The following CERS6 variants were observed in gnomAD, a reference collection of about 807,000 sequenced individuals.
CERS6 encodes LAG1 homolog, ceramide synthase 6.
A neutral mutation model predicts 56.8 loss-of-function variants in CERS6; 26 were observed. The ratio of observed to expected loss-of-function variants is 0.46; its 90% CI spans 0.34 to 0.63. CERS6 has a LOEUF of 0.63. CERS6 is among the 30% of genes least tolerant of loss of function. CERS6 has a pLI of 0.01. For synonymous variants in CERS6, 164 were observed against 173.3 expected, an observed-to-expected ratio of 0.95 and a Z score of 0.42; for missense variants, 415 against 467.5, an observed-to-expected ratio of 0.89 and a Z score of 1.04.
At chr2:168,463,131 G>A (rs1203899409) in intron 1 of CERS6, among the ~76,000 whole-genome samples, 1 of 152,170 alleles carries the variant, frequency 6.6e-6, no homozygotes, top group Non-Finnish European at 1.5e-5. Context: ...TTAGGATTGA[G>A]AATTTAGGAA....
chr2:168,557,094 G>A (rs1695695697), intron 2 of CERS6, among the ~76,000 whole-genome samples: 1 of 151,486 alleles, frequency 6.6e-6, no homozygotes, highest in African/African-American at 2.4e-5. Context: ...AGCATGGAGA[G>A]ATCCTGGCTG....
chr2:168,626,647 G>A (rs1684597633), intron 3 of CERS6, among the ~76,000 whole-genome samples: 1 of 152,174 alleles, frequency 6.6e-6, no homozygotes, highest in Non-Finnish European at 1.5e-5. Context: ...GCAAAGCAGG[G>A]TGCTCTAATT....
intron 3 of CERS6, among the ~76,000 whole-genome samples, chr2:168,562,228 T>C (rs2105382519): frequency 6.6e-6 from 1 of 152,298 alleles, no homozygotes; most frequent in Admixed American, 6.5e-5. Flanking sequence ...GGCTTTCAAT[T>C]ATGTGAAAAA....
chr2:168,459,913 C>A (rs1693748058), intron 1 of CERS6, among the ~76,000 whole-genome samples: 1 of 152,018 alleles, frequency 6.6e-6, no homozygotes, highest in Non-Finnish European at 1.5e-5. Flanking sequence ...AATAAAAATT[C>A]TTTGAGTTAT....
intron 1 of CERS6, among the ~76,000 whole-genome samples, chr2:168,493,116 A>T (rs1694403092): frequency 1.3e-5 from 2 of 152,182 alleles, no homozygotes; most frequent in African/African-American, 4.8e-5. Flanking sequence ...CCTTGCAAAC[A>T]TAATTTTTTA....
At chr2:168,644,243 C>T in intron 4 of CERS6, 1 of 954,540 alleles carries the variant, frequency 1.0e-6, no homozygotes, top group Non-Finnish European at 1.2e-6. Context: ...GAAGTCTGAA[C>T]TGAGCATGTG....
chr2:168,486,975 G>A (rs1202214666), intron 1 of CERS6, among the ~76,000 whole-genome samples: 2 of 151,674 alleles, frequency 1.3e-5, no homozygotes, highest in East Asian at 3.9e-4. Context: ...TTTTTTCAGT[G>A]TGACTTCCAG....
intron 1 of CERS6, among the ~76,000 whole-genome samples, chr2:168,545,577 C>T (rs1226115686): frequency 6.6e-6 from 1 of 151,468 alleles, no homozygotes; most frequent in East Asian, 1.9e-4. Context: ...AATTTCTTGA[C>T]TCCCCTACTG....
At chr2:168,476,571 C>T (rs1694074423) in intron 1 of CERS6, among the ~76,000 whole-genome samples, 1 of 151,934 alleles carries the variant, frequency 6.6e-6, no homozygotes, top group Admixed American at 6.6e-5. Context: ...AGACGTCCTG[C>T]AATAGGCTGT....
chr2:168,610,768 G>A (rs1684170000), intron 3 of CERS6, among the ~76,000 whole-genome samples: 1 of 152,112 alleles, frequency 6.6e-6, no homozygotes, highest in Non-Finnish European at 1.5e-5. Context: ...GCCCCAAGTT[G>A]AATCTAGCCT....
chr2:168,707,469 G>C (rs1686985989), intron 6 of CERS6, among the ~76,000 whole-genome samples: 1 of 152,100 alleles, frequency 6.6e-6, no homozygotes, highest in African/African-American at 2.4e-5. Context: ...TTCCTTTCCA[G>C]ATTTTCCTGT....
intron 8 of CERS6, among the ~76,000 whole-genome samples, chr2:168,744,242 T>C (rs1684027554): frequency 6.6e-6 from 1 of 152,090 alleles, no homozygotes; most frequent in East Asian, 1.9e-4. Flanking sequence ...CCTGACCTCA[T>C]GATCCGCCCA....
chr2:168,499,556 T>A (rs1489830271), intron 1 of CERS6, among the ~76,000 whole-genome samples: 1 of 152,178 alleles, frequency 6.6e-6, no homozygotes, highest in African/African-American at 2.4e-5. Context: ...TTGTAACCCT[T>A]TGGCTTGTTT....
chr2:168,479,827 C>T (rs991309723), intron 1 of CERS6, among the ~76,000 whole-genome samples: 2 of 152,118 alleles, frequency 1.3e-5, no homozygotes, highest in Non-Finnish European at 2.9e-5. Flanking sequence ...AGGCTGGTCT[C>T]GAACTTCCGA....
At chr2:168,656,633 G>A (rs545899699) in intron 4 of CERS6, among the ~76,000 whole-genome samples, 24 of 152,104 alleles carry the variant, frequency 1.6e-4, no homozygotes, top group African/African-American at 2.4e-4. Flanking sequence ...GCAGATCTTC[G>A]CGGTGAGTGT....
intron 4 of CERS6, among the ~76,000 whole-genome samples, chr2:168,667,509 C>G (rs929978831): frequency 6.6e-6 from 1 of 152,188 alleles, no homozygotes; most frequent in Non-Finnish European, 1.5e-5. Flanking sequence ...TTATCAGAGA[C>G]TTGAGTGCAT....
At chr2:168,619,357 G>A (rs1476897966) in intron 3 of CERS6, among the ~76,000 whole-genome samples, 1 of 152,074 alleles carries the variant, frequency 6.6e-6, no homozygotes, top group Non-Finnish European at 1.5e-5. Flanking sequence ...AGAAATGGCT[G>A]GGACTTAATT....
intron 6 of CERS6, among the ~76,000 whole-genome samples, chr2:168,711,446 A>G (rs749051908): frequency 6.6e-6 from 1 of 152,216 alleles, no homozygotes; most frequent in Non-Finnish European, 1.5e-5. Flanking sequence ...TCTTAATTGT[A>G]TAGATAGCCA....
intron 1 of CERS6, among the ~76,000 whole-genome samples, chr2:168,504,900 G>A (rs1694648700): frequency 6.6e-6 from 1 of 152,180 alleles, no homozygotes; most frequent in Non-Finnish European, 1.5e-5. Context: ...AATAGGTGGT[G>A]CTGAGTGAAT....
Sources: allele counts gnomAD v4.1 joint callset (sites outside exome capture counted in the v4.1 genomes callset), GRCh38; gene constraint gnomAD v4.1.1; transcripts MANE v1.5; gene names NCBI Gene and HGNC (gene_info 2026-07-23, HGNC 2026-07-21).